SLC28A2: variants seen among roughly 807,000 people sequenced by gnomAD.
SLC28A2 encodes solute carrier family 28 member 2.
A neutral mutation model predicts 72.9 loss-of-function variants in SLC28A2; 69 were observed. That is an observed-to-expected ratio of 0.95 (90% CI 0.78 to 1.16). The LOEUF is 1.16. SLC28A2 is among the 50% of genes most tolerant of loss of function. The pLI is 0.00. For missense variants in SLC28A2, 745 were observed against 791.1 expected (o/e 0.94, Z 0.70); for synonymous variants, 296 against 294.1 (o/e 1.01, Z -0.07).
In SLC28A2 at chr15:45,269,321, ATCTC is replaced by A. The variant is rs753321646; in HGVS notation, c.1369-13_1369-10del. On this transcript the variant is annotated splice_polypyrimidine_tract_variant and intron_variant, in intron 13 of 17. Coordinates refer to ENST00000347644, the MANE Select transcript of SLC28A2 (RefSeq NM_004212.4). ...TATTAGTCCTTCCTTTTCCTGTGAT[ATCTC>A]TCTTTCACTCAGGTCATCTGCTCCT... 1 of 1,608,252 alleles carries A rather than the reference ATCTC, an allele frequency of 6.2e-7. No individual in the cohort carries two copies. The highest frequency in any genetic ancestry group is 8.5e-7 in the Non-Finnish European group (1 of 1,175,138).
At chr15:45,264,176 A>G (rs1900252885) in intron 6 of SLC28A2, among the ~76,000 whole-genome samples, 154 bp downstream of exon 6, 1 of 152,246 alleles carries the variant, frequency 6.6e-6, no homozygotes, top group Non-Finnish European at 1.5e-5. Context: ...TGTTTCTAAG[A>G]TAAGTTTAAA....
chr15:45,275,364 C>A (rs1268011639), intron 17 of SLC28A2, 32 bp from the exon 18 acceptor site: 2 of 1,259,272 alleles, frequency 1.6e-6, no homozygotes, highest in African/African-American at 1.5e-5. Flanking sequence ...CCTGTCTGAC[C>A]CCTTATGTAC....
chr15:45,253,210 C>A lies in SLC28A2; in HGVS notation c.-6C>A, dbSNP rs369355867. ...GAATTTGTTTTTCAGTTGAGGAGAA[C>A]AGGAGATGGAGAAAGCAAGTGGAAG... On this transcript the variant is annotated 5_prime_UTR_variant, in exon 2 of 18. Coordinates refer to ENST00000347644, the MANE Select transcript of SLC28A2 (RefSeq NM_004212.4). 161 of 1,608,768 alleles carry A rather than the reference C, an allele frequency of 1.0e-4. No homozygotes were observed. The highest frequency in any genetic ancestry group is 9.4e-6 in the Non-Finnish European group (11 of 1,175,550).
intron 3 of SLC28A2, among the ~76,000 whole-genome samples, chr15:45,260,166 A>G (rs560019619): frequency 1.3e-5 from 2 of 152,230 alleles, no homozygotes; most frequent in Admixed American, 6.5e-5. Flanking sequence ...GCCTGAAGGA[A>G]TAAGATGTAA....
At chr15:45,254,795 A>G (rs1899921747) in intron 3 of SLC28A2, among the ~76,000 whole-genome samples, 1 of 152,172 alleles carries the variant, frequency 6.6e-6, no homozygotes, top group African/African-American at 2.4e-5. Context: ...CTCTCTAAAA[A>G]TTTTTATATT....
rs903968297 is a variant in SLC28A2 at position 45,275,658 on chromosome 15, G to A, written c.*145G>A. 6 of 654,584 alleles carry A rather than the reference G, an allele frequency of 9.2e-6. No homozygotes were observed. Among genetic ancestry groups the A allele is most frequent in the African/African-American group, 5.4e-5 (3 of 55,136 alleles). The allele number at this position is 654,584 out of a possible 1,614,324, so 40.5% of individuals were successfully genotyped here. On this transcript the variant is annotated 3_prime_UTR_variant, in exon 18 of 18. Transcript: ENST00000347644. ...AAATGTAAAAGATTCATTTTGGGCCGGGCTCAGTGGCTCATGCCTGTAATC... is the reference window on the plus strand; with the variant it reads ...AAATGTAAAAGATTCATTTTGGGCCAGGCTCAGTGGCTCATGCCTGTAATC...
rs564993589 is a variant in SLC28A2, at chr15:45,272,817, A to G, written c.1859+33A>G. On this transcript the variant is annotated intron_variant, in intron 17 of 17. Transcript: ENST00000347644. ...CCAGGACCCCATTCCTTTCTCTCAC[A>G]CACGGCCCTCAGGTCTCCACGGTAA... 3.8e-4 allele frequency: 438 copies of G among 1,162,066 alleles called. 4 individuals carry two copies. The South Asian group carries it at 5.1e-3, about 14-fold the overall frequency. 72.0% of individuals were successfully genotyped at this position (1,162,066 alleles called of 1,614,324 possible). A position where few individuals can be genotyped will look rare whatever the true frequency, so the allele number is the denominator to read the frequency against.
At chr15:45,262,936 G>A (rs1900205722) in intron 4 of SLC28A2, 125 bp from the exon 5 acceptor site, 3 of 706,360 alleles carry the variant, frequency 4.2e-6, no homozygotes, top group East Asian at 5.2e-5. Context: ...CTGACAGTAG[G>A]GCTGGGTGGC....
intron 6 of SLC28A2, 40 bp from the exon 7 acceptor site, chr15:45,264,615 A>G (rs373070767): frequency 1.0e-4 from 140 of 1,334,520 alleles, no homozygotes; most frequent in Non-Finnish European, 1.4e-4. Context: ...GTAATGGACT[A>G]GCAGAACTCA....
chr15:45,265,872 A>G (rs1900317979), intron 9 of SLC28A2, among the ~76,000 whole-genome samples: 1 of 152,148 alleles, frequency 6.6e-6, no homozygotes, highest in Non-Finnish European at 1.5e-5. Flanking sequence ...TGCCTTTGAT[A>G]CTGAGTTTTA....
chr15:45,263,951 C>T lies in SLC28A2; in HGVS notation c.517C>T (p.Gln173Ter). 2 of 1,613,616 alleles carry T rather than the reference C, an allele frequency of 1.2e-6. No individual in the cohort carries two copies. Among genetic ancestry groups the T allele is most frequent in the Non-Finnish European group, 1.7e-6 (2 of 1,179,670 alleles). Residue 173 changes from glutamine to a stop codon, truncating the protein, a stop_gained, in exon 6 of 18, where the codon CAG becomes TAG. Transcript: ENST00000347644. LOFTEE classifies it high-confidence loss of function. ...TTTAGACACAGCCCAAAGGCCAGAG[C>T]AGCTGATCCCCTTTGCAGGAATCTG... ...LALDTAQRPEQLIPFAGICMF... is the reference protein window; with the variant it reads ...LALDTAQRPE
chr15:45,252,914 G>A (rs551263040), intron 1 of SLC28A2, among the ~76,000 whole-genome samples: 3 of 152,156 alleles, frequency 2.0e-5, no homozygotes, highest in Non-Finnish European at 2.9e-5. Flanking sequence ...GGCCCTGGGC[G>A]GCCCACTGAT....
chr15:45,267,596 T>C lies in SLC28A2; in HGVS notation c.1068+16T>C. The C allele has an allele frequency of 1.9e-6, 3 of 1,614,126 alleles. No individual in the cohort carries two copies. Among genetic ancestry groups the C allele is most frequent in the Non-Finnish European group, 1.7e-6 (2 of 1,180,006 alleles). On this transcript the variant is annotated intron_variant, in intron 11 of 17. Transcript: ENST00000347644. The stretch of plus-strand genomic sequence containing the variant: ...AGCCTTTGGGGTAGGCATAGTCTGC[T>C]TGATCACTCCTGGGTGAACTCGAGT...
rs1326628737 is a variant in SLC28A2, at chr15:45,262,039, A to C, written c.195A>C (p.Lys65Asn). 2.5e-6 allele frequency: 4 copies of C among 1,613,500 alleles called. No homozygotes were observed. Among genetic ancestry groups the C allele is most frequent in the African/African-American group, 2.7e-5 (2 of 74,892 alleles). ...YQRRSRWPFSKARSFCKTHAS... is the reference protein window; with the variant it reads ...YQRRSRWPFSNARSFCKTHAS... ...GGAGGAGTCGGTGGCCTTTCAGCAA[A>C]GCAAGAAGTTTCTGCAAAACACACG... Residue 65 changes from lysine to asparagine, a missense_variant, in exon 4 of 18, where the codon AAA (lysine) becomes AAC (asparagine). Coordinates refer to ENST00000347644, the MANE Select transcript of SLC28A2 (RefSeq NM_004212.4).
At chr15:45,265,230 TG>T (rs1238061631) in intron 8 of SLC28A2, 64 bp downstream of exon 8, 1 of 1,111,582 alleles carries the variant, frequency 9.0e-7, no homozygotes, top group Non-Finnish European at 1.4e-6. Flanking sequence ...AAGCAGAGGA[TG>T]AAAGTGTGTG....
intron 15 of SLC28A2, 80 bp from the exon 16 acceptor site, chr15:45,272,215 C>A: frequency 9.1e-7 from 1 of 1,098,232 alleles, no homozygotes; most frequent in South Asian, 1.3e-5. Context: ...TCTCTGCGTT[C>A]TTCTAAGTGG....
At chr15:45,269,072 A>G (rs1181507190) in intron 13 of SLC28A2, among the ~76,000 whole-genome samples, 3 of 150,630 alleles carry the variant, frequency 2.0e-5, no homozygotes, top group African/African-American at 7.3e-5. Flanking sequence ...ATGCTAAATG[A>G]CGAGTTGATG....
At position 45,268,273 on chromosome 15, in the gene SLC28A2, T is replaced by G; in HGVS notation, c.1263T>G (p.Thr421=). 6.2e-7 allele frequency: 1 copy of G among 1,611,968 alleles called. No individual in the cohort carries two copies. The highest frequency in any genetic ancestry group is 8.5e-7 in the Non-Finnish European group (1 of 1,178,080). Residue 421 remains threonine, a synonymous_variant, in exon 13 of 18, where the codon ACT becomes ACG. Coordinates refer to ENST00000347644, the MANE Select transcript of SLC28A2 (RefSeq NM_004212.4). ...CCGTAGATGCCATAGGCCTTGCTAC[T>G]AATGTAGCAGCCAACCTGATTGCCT... ...NGAVDAIGLA[T]NVAANLIAFL...
In SLC28A2 at chr15:45,262,075, CAAG is replaced by C. The variant is rs747551496; in HGVS notation, c.236_238del (p.Lys79del). 1 of 1,612,796 alleles carries C rather than the reference CAAG, an allele frequency of 6.2e-7. No homozygotes were observed. Reference sequence around the variant, plus strand: ...TCTGCAAAACACACGCCAGCTTGTTCAAGAAGATCCTGTTGGGCCTGTTGTGTT... The same window carrying C: ...TCTGCAAAACACACGCCAGCTTGTTCAAGATCCTGTTGGGCCTGTTGTGTT... On this transcript the variant is annotated inframe_deletion, in exon 4 of 18. Coordinates refer to ENST00000347644, the MANE Select transcript of SLC28A2 (RefSeq NM_004212.4).
Sources: allele counts gnomAD v4.1 joint callset (sites outside exome capture counted in the v4.1 genomes callset), GRCh38; gene constraint gnomAD v4.1.1; transcripts MANE v1.5; gene names NCBI Gene and HGNC (gene_info 2026-07-23, HGNC 2026-07-21).